CAMTA1: variants seen among roughly 807,000 people sequenced by gnomAD.
The protein encoded by CAMTA1 is calmodulin-binding transcription activator 1.
A neutral mutation model predicts 170.9 loss-of-function variants in CAMTA1; 27 were observed. The ratio of observed to expected loss-of-function variants is 0.16; its 90% CI spans 0.12 to 0.22. CAMTA1 has a LOEUF of 0.22. Ranked by LOEUF, CAMTA1 falls within the 10% of genes least tolerant of loss-of-function variation. The probability of loss-of-function intolerance (pLI) is 1.00; values close to 1 mark genes in which losing one functional copy is unlikely to be tolerated. For synonymous variants in CAMTA1, 833 were observed against 891.5 expected (o/e 0.93, Z 1.17); for missense variants, 1,619 against 2,217.2 (o/e 0.73, Z 5.42).
At chr1:6,942,956 C>T (rs1686906054) in intron 3 of CAMTA1, among the ~76,000 whole-genome samples, 1 of 152,206 alleles carries the variant, frequency 6.6e-6, no homozygotes, top group East Asian at 1.9e-4. Flanking sequence ...TGCCACAGGG[C>T]AGAACGAGAA....
chr1:7,332,886 G>A (rs1451831585), intron 5 of CAMTA1, among the ~76,000 whole-genome samples: 3 of 152,214 alleles, frequency 2.0e-5, no homozygotes, highest in South Asian at 2.1e-4. Flanking sequence ...TGCACGAAGC[G>A]TGAGCTTGTG....
At chr1:6,949,126 A>C (rs1328639017) in intron 3 of CAMTA1, among the ~76,000 whole-genome samples, 2 of 152,196 alleles carry the variant, frequency 1.3e-5, no homozygotes, top group Non-Finnish European at 2.9e-5. Flanking sequence ...CCACTCTGAG[A>C]CTTTATCTTT....
chr1:6,849,748 G>A (rs1364492237), intron 3 of CAMTA1, among the ~76,000 whole-genome samples: 1 of 151,928 alleles, frequency 6.6e-6, no homozygotes, highest in Non-Finnish European at 1.5e-5. Context: ...AAAAATATTA[G>A]GTTAGGCCGG....
intron 4 of CAMTA1, among the ~76,000 whole-genome samples, chr1:7,154,580 C>T (rs1414925680): frequency 6.6e-6 from 1 of 152,166 alleles, no homozygotes. Flanking sequence ...TGTAATCTGT[C>T]CTGTGCGTGT....
chr1:6,838,969 C>G (rs1654512430), intron 3 of CAMTA1, among the ~76,000 whole-genome samples: 1 of 152,118 alleles, frequency 6.6e-6, no homozygotes, highest in African/African-American at 2.4e-5. Flanking sequence ...CTTGCCCAGG[C>G]TGGTCTTGAA....
intron 2 of CAMTA1, among the ~76,000 whole-genome samples, chr1:6,823,048 G>A (rs1434852328): frequency 6.6e-6 from 1 of 152,080 alleles, no homozygotes; most frequent in African/African-American, 2.4e-5. Flanking sequence ...TGAGCAACCA[G>A]TATAGTGCCG....
intron 1 of CAMTA1, among the ~76,000 whole-genome samples, chr1:6,797,649 A>G (rs993213865): frequency 6.6e-6 from 1 of 152,018 alleles, no homozygotes; most frequent in African/African-American, 2.4e-5. Flanking sequence ...TGCCTCCCAA[A>G]GTGCTGGGAT....
chr1:7,248,989 C>T lies in CAMTA1; in HGVS notation c.303-502C>T, dbSNP rs566498560. 6.6e-6 allele frequency among the ~76,000 whole-genome samples: 1 copy of T among 152,222 alleles called. No individual in the cohort carries two copies. The highest frequency in any genetic ancestry group is 1.5e-5 in the Non-Finnish European group (1 of 68,048). ...CTAAATGCAGGCAATGAACCAACAG[C>T]ATTTGGCCTCGGTGAACAGCTCTGC... On this transcript the variant is annotated intron_variant, in intron 4 of 22. Transcript: ENST00000303635. This position sits in a 1 kb window ranked among gnomAD's most constrained non-coding sequence, Gnocchi z 4.0.
intron 11 of CAMTA1, among the ~76,000 whole-genome samples, chr1:7,684,182 CA>C (rs2096238699): frequency 1.3e-5 from 2 of 152,228 alleles, no homozygotes; most frequent in African/African-American, 4.8e-5. Context: ...CAGCCTTTGC[CA>C]CCCTGTCCTG....
chr1:6,835,799 A>G (rs549949255), intron 3 of CAMTA1, among the ~76,000 whole-genome samples: 2 of 152,310 alleles, frequency 1.3e-5, no homozygotes, highest in African/African-American at 2.4e-5. Flanking sequence ...TAGGCACCTA[A>G]AAGTTGTAGA....
At chr1:7,582,093 G>C (rs1034412936) in intron 6 of CAMTA1, among the ~76,000 whole-genome samples, 1 of 152,162 alleles carries the variant, frequency 6.6e-6, no homozygotes, top group Non-Finnish European at 1.5e-5. Flanking sequence ...CACATCACGC[G>C]TAGGCCAGCA....
At chr1:6,840,093 G>A (rs941043248) in intron 3 of CAMTA1, among the ~76,000 whole-genome samples, 3 of 152,016 alleles carry the variant, frequency 2.0e-5, no homozygotes, top group African/African-American at 7.2e-5. Context: ...CCAGCTACTC[G>A]GAGGCTGAGG....
intron 4 of CAMTA1, among the ~76,000 whole-genome samples, chr1:7,136,867 T>G (rs1573363163): frequency 6.6e-6 from 1 of 152,088 alleles, no homozygotes; most frequent in South Asian, 2.1e-4. Flanking sequence ...GCGCCCAGGG[T>G]TCGGTCATCA....
Position 6,887,783 on chromosome 1 carries a change from C to G in CAMTA1, c.234+62573C>G. 1 of 1,531,392 alleles carries G rather than the reference C, an allele frequency of 6.5e-7. No individual in the cohort carries two copies. 94.9% of individuals were successfully genotyped at this position (1,531,392 alleles called of 1,614,324 possible). A position where few individuals can be genotyped will look rare whatever the true frequency, so the allele number is the denominator to read the frequency against. On this transcript the variant is annotated intron_variant, in intron 3 of 22. Coordinates refer to ENST00000303635, the MANE Select transcript of CAMTA1 (RefSeq NM_015215.4). The surrounding 1 kb of genome is among the most constrained non-coding windows in gnomAD (Gnocchi z 4.1). Reference sequence around the variant, plus strand: ...GGAGAGCTTTCCCATCCTGCCAGCCCCATGTCTGGCTTTAAGACAGTTCTA... The same window carrying G: ...GGAGAGCTTTCCCATCCTGCCAGCCGCATGTCTGGCTTTAAGACAGTTCTA...
chr1:7,082,942 G>A (rs887089979), intron 3 of CAMTA1, among the ~76,000 whole-genome samples: 3 of 152,204 alleles, frequency 2.0e-5, no homozygotes, highest in Non-Finnish European at 4.4e-5. Context: ...TCCCAGGGCC[G>A]TTACTCATGT....
Position 7,759,336 on chromosome 1 carries a change from C to G in CAMTA1, c.4989+3668C>G, listed in dbSNP as rs549036933. Among the ~76,000 whole-genome samples the G allele has an allele frequency of 2.0e-5, 3 of 152,272 alleles. No individual in the cohort carries two copies. In the South Asian group the frequency reaches 6.2e-4, roughly 32 times the overall value. The stretch of plus-strand genomic sequence containing the variant: ...GCAGCAGAGCAATCAGAAAATACCA[C>G]TTGTGTCTTGAAATGTTTAGTCTTT... On this transcript the variant is annotated intron_variant, in intron 22 of 22. Transcript: ENST00000303635.
At chr1:6,787,441 A>G (rs964907591) in intron 1 of CAMTA1, among the ~76,000 whole-genome samples, 1 of 152,252 alleles carries the variant, frequency 6.6e-6, no homozygotes, top group Admixed American at 6.5e-5. Context: ...TTGGAGAACC[A>G]GATCATGATG....
rs1022961507 is a variant in CAMTA1, at chr1:7,456,712, G to A, written c.439-11118G>A. 1.3e-5 allele frequency among the ~76,000 whole-genome samples: 2 copies of A among 152,198 alleles called. No homozygotes were observed. Among genetic ancestry groups the A allele is most frequent in the South Asian group, 2.1e-4 (1 of 4,826 alleles). On this transcript the variant is annotated intron_variant, in intron 5 of 22. Coordinates refer to ENST00000303635, the MANE Select transcript of CAMTA1 (RefSeq NM_015215.4). The surrounding 1 kb of genome is among the most constrained non-coding windows in gnomAD (Gnocchi z 4.9). ...CGAAAGGTGCAGGTCTCCAGCTCCC[G>A]CTTGGCTGGGCCTGTGCAGGGTGAG...
In CAMTA1 at chr1:7,375,953, G is replaced by A. The variant is rs2086813962; in HGVS notation, c.439-91877G>A. 4.6e-5 allele frequency among the ~76,000 whole-genome samples: 7 copies of A among 152,286 alleles called. No individual in the cohort carries two copies. The South Asian group carries it at 1.2e-3, about 27-fold the overall frequency. On this transcript the variant is annotated intron_variant, in intron 5 of 22. Transcript: ENST00000303635. ...GGCAAGGGCCACTCTGCTCTTCCCA[G>A]GTGGGGCCCTTCCTATCAGGAGGCA...
Sources: gnomAD v4.1 joint callset for allele counts (sites outside exome capture counted in the v4.1 genomes callset) on GRCh38, gnomAD v4.1.1 for gene constraint, Gnocchi (gnomAD v3.1) non-coding constraint, MANE v1.5 for transcripts, NCBI Gene and HGNC (gene_info 2026-07-23, HGNC 2026-07-21) for gene names.